PDE4D: variants seen among roughly 807,000 people sequenced by gnomAD.
The protein encoded by PDE4D is 3',5'-cyclic-AMP phosphodiesterase 4D.
PDE4D carries 24 observed loss-of-function variants against 87.4 expected under a neutral mutation model. The ratio of observed to expected loss-of-function variants is 0.27; its 90% CI spans 0.20 to 0.39. PDE4D has a LOEUF of 0.39. Among genes scored for constraint, PDE4D ranks in the 10% least tolerant of loss-of-function variants. The probability of loss-of-function intolerance (pLI) is 1.00; values close to 1 mark genes in which losing one functional copy is unlikely to be tolerated. For synonymous variants in PDE4D, 384 were observed against 383.2 expected (o/e 1.00, Z -0.02); for missense variants, 714 against 1,041.0 (o/e 0.69, Z 4.32).
intron 1 of PDE4D, among the ~76,000 whole-genome samples, chr5:60,342,844 A>T (rs1300254671): frequency 6.6e-6 from 1 of 152,196 alleles, no homozygotes. Flanking sequence ...TTAAGAGGGC[A>T]CTTTGGCAAA....
intron 1 of PDE4D, among the ~76,000 whole-genome samples, chr5:60,327,426 G>A (rs1756901226): frequency 6.6e-6 from 1 of 152,150 alleles, no homozygotes; most frequent in East Asian, 1.9e-4. Context: ...TTTATCTCCT[G>A]TTTTCAGGGG....
chr5:59,758,036 T>G (rs1335717754), intron 1 of PDE4D, among the ~76,000 whole-genome samples: 1 of 152,206 alleles, frequency 6.6e-6, no homozygotes, highest in African/African-American at 2.4e-5. Flanking sequence ...TTCATTGTTA[T>G]AACTTCAATA....
At chr5:59,667,366 C>G (rs1200351207) in intron 1 of PDE4D, among the ~76,000 whole-genome samples, 1 of 152,072 alleles carries the variant, frequency 6.6e-6, no homozygotes, top group East Asian at 1.9e-4. Context: ...GGCTAGAATG[C>G]AGTGGTGGGA....
At chr5:59,517,307 G>T (rs1811343340) in intron 1 of PDE4D, among the ~76,000 whole-genome samples, 1 of 151,994 alleles carries the variant, frequency 6.6e-6, no homozygotes. Context: ...GTCTTTTTTT[G>T]TAAACGAAGT....
intron 1 of PDE4D, chr5:59,592,173 C>T: frequency 1.0e-6 from 1 of 977,950 alleles, no homozygotes; most frequent in Non-Finnish European, 1.2e-6. Context: ...ACAGTGTCTT[C>T]TTCTCTATAT....
intron 1 of PDE4D, among the ~76,000 whole-genome samples, chr5:60,315,363 T>A (rs1755466829): frequency 6.6e-6 from 1 of 152,206 alleles, no homozygotes; most frequent in South Asian, 2.1e-4. Context: ...TTTGTTTGAG[T>A]TCATTGTAGA....
At chr5:59,537,587 C>G (rs1211240764) in intron 1 of PDE4D, among the ~76,000 whole-genome samples, 1 of 152,100 alleles carries the variant, frequency 6.6e-6, no homozygotes, top group Non-Finnish European at 1.5e-5. Context: ...AAAATAACTT[C>G]AGAAGCTTCA....
intron 1 of PDE4D, among the ~76,000 whole-genome samples, chr5:60,470,160 TAGA>T (rs1484529711): frequency 1.3e-5 from 2 of 152,176 alleles, no homozygotes; most frequent in Admixed American, 6.6e-5. Flanking sequence ...GCGGTCTGAA[TAGA>T]AGATCAAACC....
At chr5:60,147,918 G>A (rs1452889600) in intron 2 of PDE4D, 3 of 368,762 alleles carry the variant, frequency 8.1e-6, no homozygotes, top group South Asian at 2.0e-5. Context: ...AGAAGCCACA[G>A]TTTTTATAAC....
intron 1 of PDE4D, among the ~76,000 whole-genome samples, chr5:59,504,991 G>A (rs1015039382): frequency 6.6e-6 from 1 of 151,744 alleles, no homozygotes; most frequent in African/African-American, 2.4e-5. Flanking sequence ...AGAGAGAGAA[G>A]TGTAGGGCTG....
rs910427999 is a variant in PDE4D, at chr5:59,039,110, T to C, written c.809-139A>G. ...GCACATGAGGGCTGCTCCTTCATAT[T>C]GCCCAGCCCGGCAGTGCAACGGGGG... On this transcript the variant is annotated intron_variant, in intron 5 of 14. Transcript: ENST00000340635. The C allele has an allele frequency of 9.3e-6, 13 of 1,402,472 alleles. No individual in the cohort carries two copies. In the African/African-American group the frequency reaches 1.5e-4, roughly 16 times the overall value. The allele number at this position is 1,402,472 out of a possible 1,614,324, so 86.9% of individuals were successfully genotyped here.
chr5:59,339,601 G>A (rs1379449726), intron 1 of PDE4D, among the ~76,000 whole-genome samples: 2 of 152,202 alleles, frequency 1.3e-5, no homozygotes, highest in African/African-American at 4.8e-5. Flanking sequence ...AATGATTTAA[G>A]TATAGAACCA....
chr5:60,280,327 A>AAT (rs1554197881), intron 1 of PDE4D, among the ~76,000 whole-genome samples: 2 of 142,592 alleles, frequency 1.4e-5, no homozygotes, highest in Non-Finnish European at 3.0e-5. Context: ...TATATATATA[A>AAT]ATATATATAC....
At chr5:59,315,745 C>A (rs929704692) in intron 1 of PDE4D, among the ~76,000 whole-genome samples, 2 of 152,120 alleles carry the variant, frequency 1.3e-5, no homozygotes, top group Non-Finnish European at 1.5e-5. Flanking sequence ...TGACCTTCCT[C>A]TGGGGGCACT....
At chr5:59,143,627 AAT>A (rs1778221233) in intron 5 of PDE4D, among the ~76,000 whole-genome samples, 2 of 152,248 alleles carry the variant, frequency 1.3e-5, no homozygotes, top group Non-Finnish European at 2.9e-5. Flanking sequence ...TATTATAATT[AAT>A]ACAGTTTTGC....
At chr5:59,167,156 C>T (rs1472651164) in intron 5 of PDE4D, among the ~76,000 whole-genome samples, 2 of 152,116 alleles carry the variant, frequency 1.3e-5, no homozygotes, top group Non-Finnish European at 2.9e-5. Flanking sequence ...AAAGATCTAA[C>T]ACATCGGCGT....
intron 3 of PDE4D, among the ~76,000 whole-genome samples, chr5:59,925,174 C>CA (rs71606612): frequency 4.9e-4 from 50 of 101,758 alleles, no homozygotes; most frequent in Non-Finnish European, 6.6e-4. Context: ...GACTGCATCT[C>CA]AAAAAAAAAA....
At chr5:60,344,355 T>TAC (rs1758563225) in intron 1 of PDE4D, among the ~76,000 whole-genome samples, 5 of 152,068 alleles carry the variant, frequency 3.3e-5, no homozygotes, top group Admixed American at 3.3e-4. Context: ...TTCGTTAGTT[T>TAC]TGGTTCTTGA....
chr5:59,163,716 T>C (rs906950215), intron 5 of PDE4D, among the ~76,000 whole-genome samples: 4 of 152,244 alleles, frequency 2.6e-5, no homozygotes, highest in South Asian at 4.1e-4. Context: ...TCAGGACAGC[T>C]AAGATTCAGA....
Sources: allele counts gnomAD v4.1 joint callset (sites outside exome capture counted in the v4.1 genomes callset), GRCh38; gene constraint gnomAD v4.1.1; transcripts MANE v1.5; gene names NCBI Gene and HGNC (gene_info 2026-07-23, HGNC 2026-07-21).